Variants in NPIPB2 observed in about 807,000 individuals in gnomAD.
The protein encoded by NPIPB2 is nuclear pore complex-interacting protein family member B2.
A neutral mutation model predicts 30.8 loss-of-function variants in NPIPB2; 27 were observed. That is an observed-to-expected ratio of 0.88 (90% CI 0.65 to 1.21). The LOEUF (loss-of-function observed/expected upper bound fraction) is 1.21. NPIPB2 is among the 50% of genes most tolerant of loss of function. The pLI is 0.00. For synonymous variants in NPIPB2, 147 were observed against 162.0 expected (o/e 0.91, Z 0.70); for missense variants, 440 against 446.2 (o/e 0.99, Z 0.13).
At chr16:11,962,543 C>T (rs189208819) in intron 1 of NPIPB2, among the ~76,000 whole-genome samples, 21 of 142,314 alleles carry the variant, frequency 1.5e-4, no homozygotes, top group African/African-American at 4.9e-4. Context: ...ACCTGGGAGT[C>T]GGAGCTTGCA....
intron 1 of NPIPB2, among the ~76,000 whole-genome samples, chr16:11,938,063 G>A (rs947129161): frequency 6.6e-6 from 1 of 152,230 alleles, no homozygotes; most frequent in Non-Finnish European, 1.5e-5. Flanking sequence ...CAGTCGCCCA[G>A]GCTGGAGTGC....
At chr16:11,971,723 C>G (rs2160164) in intron 1 of NPIPB2, among the ~76,000 whole-genome samples, 121,006 of 151,852 alleles carry the variant, frequency 0.8, 48,796 homozygotes, top group Non-Finnish European at 0.86. Context: ...TTGAACTCCT[C>G]ACCTCAAGTG....
chr16:11,968,202 C>T (rs560268309), intron 1 of NPIPB2: 34 of 226,786 alleles, frequency 1.5e-4, no homozygotes, highest in African/African-American at 6.7e-4. Flanking sequence ...TTTGGCCAGG[C>T]GCGGTGGCTC....
At chr16:11,974,749 C>G (rs987586629) in intron 1 of NPIPB2, among the ~76,000 whole-genome samples, 3 of 152,010 alleles carry the variant, frequency 2.0e-5, no homozygotes, top group African/African-American at 7.3e-5. Flanking sequence ...TCCCTTTTCC[C>G]CGATGTGTAA....
At chr16:11,966,722 T>C (rs11570151) in intron 1 of NPIPB2, among the ~76,000 whole-genome samples, 17,697 of 152,226 alleles carry the variant, frequency 0.12, 1,341 homozygotes, top group South Asian at 0.2. Context: ...TCTATGGTCA[T>C]GTTTTTATAC....
chr16:11,933,646 A>C (rs1596489506), exon 4 of NPIPB2: 1 of 1,596,836 alleles, frequency 6.3e-7, no homozygotes, highest in East Asian at 2.2e-5. Flanking sequence ...GACGTCTTTC[A>C]GGCCAATTTT....
intron 1 of NPIPB2, among the ~76,000 whole-genome samples, chr16:11,948,743 G>C (rs1346876961): frequency 2.9e-5 from 4 of 139,504 alleles, no homozygotes; most frequent in African/African-American, 7.9e-5. Context: ...CTCCAGCCTG[G>C]GTGACAGAGC....
At chr16:11,958,685 G>A (rs751784095) in intron 1 of NPIPB2, among the ~76,000 whole-genome samples, 1 of 152,154 alleles carries the variant, frequency 6.6e-6, no homozygotes, top group East Asian at 1.9e-4. Flanking sequence ...AGGCTGCAGT[G>A]AGCTTTGATC....
At chr16:11,945,434 G>T (rs1225082835), upstream of NPIPB2, among the ~76,000 whole-genome samples, 1 of 151,798 alleles carries the variant, frequency 6.6e-6, no homozygotes, top group Non-Finnish European at 1.5e-5. Flanking sequence ...AGCACTTTGG[G>T]AGGCTGGGGT....
At chr16:11,954,801 G>C (rs889488036) in intron 1 of NPIPB2, among the ~76,000 whole-genome samples, 2 of 151,692 alleles carry the variant, frequency 1.3e-5, no homozygotes, top group African/African-American at 4.8e-5. Flanking sequence ...CCAGCTACTC[G>C]GGAGGCTGAG....
At chr16:11,953,968 G>A (rs1274178661) in intron 1 of NPIPB2, among the ~76,000 whole-genome samples, 2 of 151,242 alleles carry the variant, frequency 1.3e-5, no homozygotes, top group Non-Finnish European at 2.9e-5. Context: ...GAGCCACCAC[G>A]CCCAGCCTCA....
intron 1 of NPIPB2, among the ~76,000 whole-genome samples, chr16:11,938,895 C>T: frequency 6.6e-6 from 1 of 151,648 alleles, no homozygotes; most frequent in Non-Finnish European, 1.5e-5. Context: ...TTACAGGCGC[C>T]TGCCACCACG....
chr16:11,948,012 C>G (rs9928563), intron 1 of NPIPB2, among the ~76,000 whole-genome samples: 85,390 of 146,388 alleles, frequency 0.58, 28,808 homozygotes, highest in Non-Finnish European at 0.77. Flanking sequence ...CCACTAGATA[C>G]AGACCCCTCC....
In NPIPB2 at chr16:11,971,755, A is replaced by G. The variant is rs1356791717; in HGVS notation, c.-584+4813T>C. 2.0e-5 allele frequency among the ~76,000 whole-genome samples: 3 copies of G among 152,204 alleles called. No homozygotes were observed. The East Asian group carries it at 5.8e-4, about 30-fold the overall frequency. On this transcript the variant is annotated intron_variant, in intron 1 of 5. Transcript: ENST00000538896. ...AGTGATCTGCTCTCCTCAGCCTCGC[A>G]AAGTGCTGGGATTACAGGTGCGAGC...
chr16:11,927,620 G>T (rs370684740), exon 8 of NPIPB2: 5 of 1,606,226 alleles, frequency 3.1e-6, no homozygotes, highest in Non-Finnish European at 3.4e-6. Context: ...ATTATCATCC[G>T]CTGAGGGTGG....
chr16:11,969,375 GCCAC>G (rs1248396004), intron 1 of NPIPB2, among the ~76,000 whole-genome samples: 1 of 152,024 alleles, frequency 6.6e-6, no homozygotes, highest in Non-Finnish European at 1.5e-5. Context: ...CTCTGCCTCA[GCCAC>G]CCGAGTAGCT....
At chr16:11,958,718 G>C (rs1349551986) in intron 1 of NPIPB2, among the ~76,000 whole-genome samples, 1 of 152,138 alleles carries the variant, frequency 6.6e-6, no homozygotes, top group Admixed American at 6.6e-5. Flanking sequence ...TCCTGCCTGG[G>C]TAACAGAGTG....
Position 11,947,322 on chromosome 16 carries a change from T to TTATTTATTTATA in NPIPB2, c.-583-5209_-583-5208insTATAAATAAATA, listed in dbSNP as rs144577397. 3.0e-3 allele frequency among the ~76,000 whole-genome samples: 362 copies of TTATTTATTTATA among 119,942 alleles called. 2 individuals carry two copies. The South Asian group carries it at 0.034, about 11-fold the overall frequency. The allele number at this position is 119,942 out of a possible 152,430, so 78.7% of individuals were successfully genotyped here. ...TTTATTTATTTATTTATTTATTTAT[T>TTATTTATTTATA]TATATATATATATATTTATTTATTT... On this transcript the variant is annotated intron_variant, in intron 1 of 5. Coordinates refer to the NPIPB2 transcript ENST00000538896.
upstream of NPIPB2, among the ~76,000 whole-genome samples, chr16:11,947,040 T>TTTTATATA (rs1555509039): frequency 2.9e-5 from 4 of 139,812 alleles, no homozygotes; most frequent in South Asian, 2.3e-4. Flanking sequence ...ACTATTTGAA[T>TTTTATATA]TATATATATA....
Sources: gnomAD v4.1 joint callset for allele counts (sites outside exome capture counted in the v4.1 genomes callset) on GRCh38, gnomAD v4.1.1 for gene constraint, MANE v1.5 for transcripts, NCBI Gene and HGNC (gene_info 2026-07-23, HGNC 2026-07-21) for gene names.